BOC: variants seen among roughly 807,000 people sequenced by gnomAD.
The protein encoded by BOC is brother of CDO.
BOC carries 76 observed loss-of-function variants against 112.0 expected under a neutral mutation model. The ratio of observed to expected loss-of-function variants is 0.68; its 90% CI spans 0.56 to 0.82. BOC has a LOEUF of 0.82. Among genes scored for constraint, BOC ranks in the 40% least tolerant of loss-of-function variants. BOC has a pLI of 0.00. For synonymous variants in BOC, 580 were observed against 599.8 expected (o/e 0.97, Z 0.48); for missense variants, 1,309 against 1,511.7 (o/e 0.87, Z 2.22).
intron 2 of BOC, among the ~76,000 whole-genome samples, chr3:113,228,365 C>A (rs1002208585): frequency 2.6e-5 from 4 of 152,060 alleles, no homozygotes; most frequent in Admixed American, 2.0e-4. Flanking sequence ...GAGTACAGGG[C>A]TCCTGATTTT....
At chr3:113,246,788 C>T (rs1944969853) in intron 2 of BOC, among the ~76,000 whole-genome samples, 1 of 152,122 alleles carries the variant, frequency 6.6e-6, no homozygotes, top group African/African-American at 2.4e-5. Context: ...TGTTGTGGGG[C>T]TTAATGGGTT....
intron 9 of BOC, 123 bp from the exon 10 acceptor site, chr3:113,277,972 C>A: frequency 7.7e-7 from 1 of 1,306,790 alleles, no homozygotes; most frequent in Non-Finnish European, 1.1e-6. Flanking sequence ...CTAACCCCAA[C>A]CTGGCTTATC....
At chr3:113,270,043 G>T (rs1406161397) in intron 5 of BOC, 1 of 152,278 alleles carries the variant, frequency 6.6e-6, no homozygotes, top group Non-Finnish European at 1.5e-5. Flanking sequence ...CCATCCCAGG[G>T]CACCTGTGGA....
intron 12 of BOC, 88 bp from the exon 13 acceptor site, chr3:113,279,736 C>G: frequency 5.8e-6 from 8 of 1,385,774 alleles, no homozygotes; most frequent in Non-Finnish European, 7.9e-6. Context: ...GCCCAGAAGA[C>G]CCCTCCAGGT....
At chr3:113,258,078 T>C (rs11928342) in intron 4 of BOC, among the ~76,000 whole-genome samples, 40,339 of 152,062 alleles carry the variant, frequency 0.27, 5,883 homozygotes, top group East Asian at 0.51. Flanking sequence ...GCTCGGAGGC[T>C]AGCAAGGATT....
intron 4 of BOC, among the ~76,000 whole-genome samples, chr3:113,265,387 G>A (rs1474348645): frequency 6.6e-6 from 1 of 152,100 alleles, no homozygotes; most frequent in African/African-American, 2.4e-5. Flanking sequence ...TCTTGGTGGA[G>A]TAGTTTGGGA....
intron 4 of BOC, among the ~76,000 whole-genome samples, chr3:113,258,031 A>T (rs1327487432): frequency 6.6e-6 from 1 of 152,228 alleles, no homozygotes; most frequent in Non-Finnish European, 1.5e-5. Context: ...CAGCCCCATG[A>T]GTTGCCCGCC....
At chr3:113,246,466 G>C (rs1441950366) in intron 2 of BOC, among the ~76,000 whole-genome samples, 1 of 152,082 alleles carries the variant, frequency 6.6e-6, no homozygotes, top group Admixed American at 6.5e-5. Flanking sequence ...CAGCTTAAGC[G>C]TTACTTGCCT....
chr3:113,280,918 C>A, intron 14 of BOC, 113 bp from the exon 15 acceptor site: 1 of 1,416,930 alleles, frequency 7.1e-7, no homozygotes, highest in South Asian at 1.3e-5. Context: ...GCCCCTGTGC[C>A]AGTCAGTGGC....
intron 2 of BOC, among the ~76,000 whole-genome samples, chr3:113,235,311 A>G (rs1220532147): frequency 6.6e-6 from 1 of 152,164 alleles, no homozygotes; most frequent in Non-Finnish European, 1.5e-5. Flanking sequence ...ATATGTTGTA[A>G]TTAGAAAGAG....
intron 9 of BOC, 137 bp from the exon 10 acceptor site, chr3:113,277,958 C>T: frequency 8.7e-7 from 1 of 1,155,400 alleles, no homozygotes; most frequent in Non-Finnish European, 1.2e-6. Flanking sequence ...GAGGCTGTGC[C>T]ACCCTAACCC....
At chr3:113,236,294 A>ATATATATACCCATGGGTG (rs1553726916) in intron 2 of BOC, among the ~76,000 whole-genome samples, 2 of 98,918 alleles carry the variant, frequency 2.0e-5, no homozygotes, top group Admixed American at 1.9e-4. Context: ...ATATATATAT[A>ATATATATACCCATGGGTG]TATATATATA....
intron 19 of BOC, among the ~76,000 whole-genome samples, chr3:113,286,290 A>G (rs549237934): frequency 6.9e-4 from 105 of 152,270 alleles, no homozygotes; most frequent in Non-Finnish European, 1.2e-3. Flanking sequence ...GACCGTGTCA[A>G]TCTGGGGGGA....
At chr3:113,252,193 A>G (rs776379454) in intron 4 of BOC, among the ~76,000 whole-genome samples, 7 of 152,206 alleles carry the variant, frequency 4.6e-5, no homozygotes, top group South Asian at 2.1e-4. Flanking sequence ...ACTGCCTCCA[A>G]TTTGGCCCCT....
intron 4 of BOC, among the ~76,000 whole-genome samples, chr3:113,257,253 C>A (rs1343475468): frequency 6.6e-6 from 1 of 152,196 alleles, no homozygotes; most frequent in African/African-American, 2.4e-5. Context: ...CTTTATGGAG[C>A]CATGAGCTCC....
At chr3:113,223,685 T>C (rs1457659964) in intron 2 of BOC, among the ~76,000 whole-genome samples, 1 of 152,190 alleles carries the variant, frequency 6.6e-6, no homozygotes, top group Non-Finnish European at 1.5e-5. Flanking sequence ...CTGAATGTCA[T>C]GCGGTTGGAA....
At chr3:113,247,414 T>C (rs1042295776) in intron 2 of BOC, among the ~76,000 whole-genome samples, 1 of 149,660 alleles carries the variant, frequency 6.7e-6, no homozygotes, top group Admixed American at 6.7e-5. Context: ...GTGTAAACTT[T>C]CCCTCTAGAA....
intron 2 of BOC, among the ~76,000 whole-genome samples, chr3:113,225,164 C>G (rs1399378808): frequency 2.0e-5 from 3 of 152,010 alleles, no homozygotes; most frequent in African/African-American, 7.3e-5. Flanking sequence ...ATCCCAGCTA[C>G]TCAGGAGGCT....
intron 2 of BOC, among the ~76,000 whole-genome samples, chr3:113,230,313 A>C (rs1054412359): frequency 6.6e-6 from 1 of 152,226 alleles, no homozygotes; most frequent in African/African-American, 2.4e-5. Context: ...CATTGTGAGA[A>C]TCTGCCAAAC....
Sources: gnomAD v4.1 joint callset for allele counts (sites outside exome capture counted in the v4.1 genomes callset) on GRCh38, gnomAD v4.1.1 for gene constraint, MANE v1.5 for transcripts, NCBI Gene and HGNC (gene_info 2026-07-23, HGNC 2026-07-21) for gene names.